The following MSANTD7 variants were observed in gnomAD, a reference collection of about 807,000 sequenced individuals.
MSANTD7 encodes the protein Myb/SANT DNA binding domain containing 7, also known as zinc finger and SCAN domain containing 29.
chr10:14,845,078 G>A, the MSANTD7 span: 1 of 985,230 alleles, frequency 1.0e-6, no homozygotes, highest in Non-Finnish European at 1.2e-6. Flanking sequence ...TGCAATAGAT[G>A]ACTCCTTTTA....
At chr10:14,838,585 A>G in the MSANTD7 span, 21 of 935,948 alleles carry the variant, frequency 2.2e-5, no homozygotes, top group Non-Finnish European at 3.1e-5. Flanking sequence ...CGTTGCCGCG[A>G]GGACACTCCG....
chr10:14,840,156 A>T, the MSANTD7 span: 2 of 1,391,118 alleles, frequency 1.4e-6, no homozygotes, highest in Non-Finnish European at 1.9e-6. Flanking sequence ...CCTGGGCAGA[A>T]GGTATGGAAT....
chr10:14,846,051 G>T, the MSANTD7 span: 1 of 972,222 alleles, frequency 1.0e-6, no homozygotes, highest in African/African-American at 1.8e-5. Flanking sequence ...CAATTTTAAG[G>T]TAGCATTCTG....
the MSANTD7 span, among the ~76,000 whole-genome samples, chr10:14,838,786 G>T: frequency 6.6e-6 from 1 of 152,088 alleles, no homozygotes; most frequent in Non-Finnish European, 1.5e-5. Context: ...CAGCGGGGCC[G>T]CTGGGTGTCC....
chr10:14,842,495 G>A, the MSANTD7 span: 1 of 1,536,122 alleles, frequency 6.5e-7, no homozygotes, highest in East Asian at 2.4e-5. The surrounding 1 kb of genome is among the most constrained non-coding windows in gnomAD (Gnocchi z 5.2). Flanking sequence ...AGTTCTGAAG[G>A]CATTATATTT....
At chr10:14,846,256 A>G in the MSANTD7 span, 8 of 985,382 alleles carry the variant, frequency 8.1e-6, no homozygotes, top group Non-Finnish European at 9.6e-6. Context: ...GATTTTCTGG[A>G]AACACAGAAG....
the MSANTD7 span, chr10:14,846,261 CAG>C: frequency 2.0e-6 from 2 of 985,308 alleles, no homozygotes; most frequent in Non-Finnish European, 2.4e-6. Flanking sequence ...TCTGGAAACA[CAG>C]AAGTACTTGA....
At chr10:14,839,715 G>A in the MSANTD7 span, among the ~76,000 whole-genome samples, 424 of 152,310 alleles carry the variant, frequency 2.8e-3, 2 homozygotes, top group African/African-American at 9.7e-3. Context: ...CTGAAAACAT[G>A]AGGCAGTTCT....
At chr10:14,838,888 C>T in the MSANTD7 span, among the ~76,000 whole-genome samples, 1 of 152,096 alleles carries the variant, frequency 6.6e-6, no homozygotes, top group African/African-American at 2.4e-5. Context: ...GTCTCGCTGA[C>T]GTCAGGGCCT....
At chr10:14,838,472 G>A in the MSANTD7 span, 2 of 1,598,852 alleles carry the variant, frequency 1.3e-6, no homozygotes, top group Non-Finnish European at 1.7e-6. Flanking sequence ...GAGGGGCTGC[G>A]GAGCTGGGCT....
At chr10:14,842,630 G>C in the MSANTD7 span, 1 of 1,536,100 alleles carries the variant, frequency 6.5e-7, no homozygotes, top group South Asian at 1.2e-5. This position sits in a 1 kb window ranked among gnomAD's most constrained non-coding sequence, Gnocchi z 5.2. Flanking sequence ...GGAGGATGCT[G>C]CTTGGGCCAA....
At chr10:14,843,917 CT>C in the MSANTD7 span, 1 of 1,534,928 alleles carries the variant, frequency 6.5e-7, no homozygotes, top group African/African-American at 1.4e-5. Context: ...AAAGGCTCTG[CT>C]TCCTAAACTG....
chr10:14,839,901 C>T, the MSANTD7 span: 4 of 1,610,874 alleles, frequency 2.5e-6, no homozygotes, highest in Non-Finnish European at 3.4e-6. Context: ...GTTTTTTTCT[C>T]TAGGATGGCC....
chr10:14,843,796 G>A, the MSANTD7 span: 1 of 1,536,360 alleles, frequency 6.5e-7, no homozygotes, highest in African/African-American at 1.4e-5. Context: ...TGTCATCGCA[G>A]TCAGACGTTT....
At chr10:14,845,935 G>T in the MSANTD7 span, 7 of 786,744 alleles carry the variant, frequency 8.9e-6, no homozygotes, top group South Asian at 2.9e-4. Context: ...GTACCTTCCA[G>T]CTCTAAAAAA....
At chr10:14,839,755 G>A in the MSANTD7 span, 789 of 451,146 alleles carry the variant, frequency 1.7e-3, 28 homozygotes, top group East Asian at 0.028. Flanking sequence ...CTATGAAAAC[G>A]AGGAAATTAA....
the MSANTD7 span, chr10:14,840,147 C>T: frequency 7.0e-7 from 1 of 1,434,742 alleles, no homozygotes; most frequent in African/African-American, 1.4e-5. Flanking sequence ...AAAGCAGATC[C>T]TGGGCAGAAG....
chr10:14,845,191 C>T, the MSANTD7 span: 1 of 985,370 alleles, frequency 1.0e-6, no homozygotes, highest in Non-Finnish European at 1.2e-6. Context: ...GAAGGGAAGA[C>T]ATTACTCTCT....
chr10:14,840,188 G>A, the MSANTD7 span: 1 of 1,056,494 alleles, frequency 9.5e-7, no homozygotes, highest in Admixed American at 2.6e-5. Flanking sequence ...TTTAAATATG[G>A]TAATAGGAAC....
Sources: allele counts gnomAD v4.1 joint callset (sites outside exome capture counted in the v4.1 genomes callset), GRCh38; gene constraint gnomAD v4.1.1; non-coding constraint Gnocchi (gnomAD v3.1); transcripts MANE v1.5; gene names NCBI Gene and HGNC (gene_info 2026-07-23, HGNC 2026-07-21).